Variants in NPAT observed in about 807,000 individuals in gnomAD.
NPAT encodes nuclear protein, coactivator of histone transcription, also known as protein NPAT.
Under a neutral mutation model 130.7 loss-of-function variants are expected in NPAT, and 52 were observed. That is an observed-to-expected ratio of 0.40 (90% CI 0.32 to 0.50). NPAT has a LOEUF of 0.50. NPAT is among the 20% of genes least tolerant of loss of function. The probability of loss-of-function intolerance (pLI) is 0.68; values close to 1 mark genes in which losing one functional copy is unlikely to be tolerated. For synonymous variants in NPAT, 580 were observed against 584.8 expected (o/e 0.99, Z 0.12); for missense variants, 1,687 against 1,662.6 (o/e 1.01, Z -0.26).
intron 1 of NPAT, among the ~76,000 whole-genome samples, chr11:108,213,928 C>T (rs1199472325): frequency 6.6e-6 from 1 of 152,110 alleles, no homozygotes; most frequent in Non-Finnish European, 1.5e-5. Context: ...TGCTCTGTCA[C>T]CCAGGCTGAA....
In NPAT at chr11:108,189,000, G is replaced by A. The variant is rs1052831368; in HGVS notation, c.556+106C>T. On this transcript the variant is annotated intron_variant, in intron 6 of 17. Coordinates refer to ENST00000278612, the MANE Select transcript of NPAT (RefSeq NM_002519.3). ...ACTTTTAGTCTCTCTCATCTTTTAT[G>A]GGGGGGGCCATAATTTTACACTATG... The A allele has an allele frequency of 5.8e-6, 5 of 864,752 alleles. No individual in the cohort carries two copies. In the Admixed American group the frequency reaches 6.1e-5, roughly 10 times the overall value. The allele number at this position is 864,752 out of a possible 1,614,324, so 53.6% of individuals were successfully genotyped here. A position where few individuals can be genotyped will look rare whatever the true frequency, so the allele number is the denominator to read the frequency against.
At chr11:108,222,436 C>G in intron 1 of NPAT, 64 bp downstream of exon 1, 1 of 1,572,524 alleles carries the variant, frequency 6.4e-7, no homozygotes, top group Non-Finnish European at 8.7e-7. Context: ...AACCTTTGGC[C>G]TCAAAGGTCC....
At chr11:108,186,870 T>G (rs1365693007) in intron 7 of NPAT, among the ~76,000 whole-genome samples, 1 of 152,216 alleles carries the variant, frequency 6.6e-6, no homozygotes, top group Admixed American at 6.5e-5. Context: ...AATGAACCCA[T>G]GCAGTTGAAA....
Position 108,160,913 on chromosome 11 carries a change from A to C in NPAT, c.4173T>G (p.Asn1391Lys). The change falls in exon 17 of 18, where the codon AAT becomes AAG. Residue 1391 changes from asparagine to lysine, a missense_variant. Physicochemically the swap from Asn to Lys is moderately conservative, Grantham distance 94. This residue lies in a region of NPAT where 1,379 missense variants were observed against 1,346.6 expected (regional missense o/e 1.02). Coordinates refer to ENST00000278612, the MANE Select transcript of NPAT (RefSeq NM_002519.3). ...NSRPSSKNLT[N>K]SSIPMKKKKI... is the part of the protein sequence containing the mutation. Reference sequence around the variant, plus strand: ...TCTTCTTTTTCATTGGTATTGATGAATTTGTAAGATTTTTACTAGAAGGAC... The same window carrying C: ...TCTTCTTTTTCATTGGTATTGATGACTTTGTAAGATTTTTACTAGAAGGAC... The C allele has an allele frequency of 6.2e-7, 1 of 1,613,988 alleles. No homozygotes were observed. Among genetic ancestry groups the C allele is most frequent in the Non-Finnish European group, 8.5e-7 (1 of 1,179,980 alleles).
intron 7 of NPAT, among the ~76,000 whole-genome samples, chr11:108,186,914 A>G (rs999386854): frequency 6.6e-6 from 1 of 152,202 alleles, no homozygotes; most frequent in African/African-American, 2.4e-5. Context: ...TATTTTCTCT[A>G]TTTGTGTTAG....
chr11:108,186,396 A>G, intron 8 of NPAT, 86 bp downstream of exon 8: 1 of 952,774 alleles, frequency 1.0e-6, no homozygotes, highest in Admixed American at 1.8e-5. Flanking sequence ...TATTTGATAC[A>G]TACACACATA....
At chr11:108,196,878 TG>T (rs1207259500) in intron 2 of NPAT, among the ~76,000 whole-genome samples, 1 of 152,192 alleles carries the variant, frequency 6.6e-6, no homozygotes, top group African/African-American at 2.4e-5. Flanking sequence ...CCATGTGAAA[TG>T]ATGTAGTTCT....
intron 13 of NPAT, 188 bp from the exon 14 acceptor site, chr11:108,170,231 A>G (rs2077938193): frequency 1.8e-6 from 1 of 570,734 alleles, no homozygotes. Flanking sequence ...CAGTTTTAGG[A>G]AAAACAGCAA....
intron 15 of NPAT, among the ~76,000 whole-genome samples, chr11:108,165,678 TG>T (rs906093632): frequency 6.0e-5 from 9 of 151,112 alleles, no homozygotes; most frequent in Non-Finnish European, 1.2e-4. Flanking sequence ...TCGCCCAGGC[TG>T]GAGTGCAGTG....
intron 1 of NPAT, among the ~76,000 whole-genome samples, chr11:108,208,178 G>A (rs1165184807): frequency 2.0e-5 from 3 of 152,162 alleles, no homozygotes; most frequent in Non-Finnish European, 4.4e-5. Context: ...TGAGGGTCAT[G>A]TTGGTATACA....
intron 10 of NPAT, among the ~76,000 whole-genome samples, chr11:108,178,236 T>A (rs569531306): frequency 4.6e-5 from 7 of 152,276 alleles, no homozygotes; most frequent in African/African-American, 1.7e-4. Context: ...ATGGTGGAGG[T>A]GAGCTTGTCA....
intron 10 of NPAT, among the ~76,000 whole-genome samples, chr11:108,179,500 A>G (rs1470750139): frequency 6.6e-6 from 1 of 152,188 alleles, no homozygotes; most frequent in Non-Finnish European, 1.5e-5. Flanking sequence ...TCAGCCTCCC[A>G]AAGTGCTGGG....
chr11:108,164,351 G>GT (rs1460347564), intron 15 of NPAT, among the ~76,000 whole-genome samples: 10 of 152,210 alleles, frequency 6.6e-5, no homozygotes, highest in Admixed American at 5.2e-4. Flanking sequence ...AAGCCCAGGT[G>GT]TAAAAGTTGA....
At chr11:108,199,165 C>T (rs2078251511) in intron 1 of NPAT, among the ~76,000 whole-genome samples, 1 of 152,220 alleles carries the variant, frequency 6.6e-6, no homozygotes, top group Non-Finnish European at 1.5e-5. Context: ...TCCTTGGGGG[C>T]TCAGACCTCA....
At chr11:108,209,139 G>C (rs2078358870) in intron 1 of NPAT, among the ~76,000 whole-genome samples, 1 of 152,084 alleles carries the variant, frequency 6.6e-6, no homozygotes, top group Non-Finnish European at 1.5e-5. Context: ...AATTAACTGG[G>C]TATGGTGGCA....
rs1416197565 is a variant in NPAT, at chr11:108,189,795, G to A, written c.332-465C>T. Among the ~76,000 whole-genome samples the A allele has an allele frequency of 2.7e-5, 4 of 150,258 alleles. No individual in the cohort carries two copies. In the South Asian group the frequency reaches 6.3e-4, roughly 24 times the overall value. On this transcript the variant is annotated intron_variant, in intron 5 of 17. Transcript: ENST00000278612. ...TGAGGCAGGAGAATGGCGTGAACCC[G>A]GGAGGCGGAGCTTGCAGTGAGCCGA...
rs544259617 is a variant in NPAT at position 108,180,222 on chromosome 11, G to A, written c.907-3132C>T. Among the ~76,000 whole-genome samples, 3 of 152,240 alleles carry A rather than the reference G, an allele frequency of 2.0e-5. No homozygotes were observed. In the East Asian group the frequency reaches 5.8e-4, roughly 29 times the overall value. ...CACACCTGTAGTCCCTGCTACTTGG[G>A]AAGCTGAGGTGGGAGGGTCACCTGA... On this transcript the variant is annotated intron_variant, in intron 10 of 17. Coordinates refer to ENST00000278612, the MANE Select transcript of NPAT (RefSeq NM_002519.3).
intron 1 of NPAT, among the ~76,000 whole-genome samples, chr11:108,204,887 C>T (rs916277956): frequency 1.3e-5 from 2 of 152,150 alleles, no homozygotes. Context: ...ATCAATTTTA[C>T]CAACAAAAGC....
In NPAT at chr11:108,158,515, T is replaced by G. The variant is rs1441896244; in HGVS notation, c.*427A>C. 1.2e-5 allele frequency: 2 copies of G among 160,562 alleles called. No homozygotes were observed. The highest frequency in any genetic ancestry group is 2.4e-5 in the African/African-American group (1 of 41,494). The allele number at this position is 160,562 out of a possible 1,614,324, so 9.9% of individuals were successfully genotyped here. A position where few individuals can be genotyped will look rare whatever the true frequency, so the allele number is the denominator to read the frequency against. ...TGTCTTATTGAATAGTTACTGAAGG[T>G]AATTTATAAGAATAAGCATCATTTT... On this transcript the variant is annotated 3_prime_UTR_variant, in exon 18 of 18. Coordinates refer to ENST00000278612, the MANE Select transcript of NPAT (RefSeq NM_002519.3).
Sources: allele counts gnomAD v4.1 joint callset (sites outside exome capture counted in the v4.1 genomes callset), GRCh38; gene constraint gnomAD v4.1.1; regional missense constraint gnomAD v4.1.1; transcripts MANE v1.5; gene names NCBI Gene and HGNC (gene_info 2026-07-23, HGNC 2026-07-21).